Variants in INCENP observed in about 807,000 individuals in gnomAD.
INCENP encodes binds and activates aurora-B and -C in vivo and in vitro.
INCENP carries 43 observed loss-of-function variants against 107.3 expected under a neutral mutation model. That is an observed-to-expected ratio of 0.40 (90% CI 0.31 to 0.52). The LOEUF is 0.52. Ranked by LOEUF, INCENP falls within the 20% of genes least tolerant of loss-of-function variation. The probability of loss-of-function intolerance (pLI) is 0.53; values close to 1 mark genes in which losing one functional copy is unlikely to be tolerated. For synonymous variants in INCENP, 488 were observed against 494.4 expected (o/e 0.99, Z 0.17); for missense variants, 1,089 against 1,250.9 (o/e 0.87, Z 1.95).
chr11:62,149,939 T>C, intron 17 of INCENP, 118 bp from the exon 18 acceptor site: 1 of 1,008,524 alleles, frequency 9.9e-7, no homozygotes, highest in Non-Finnish European at 1.5e-6. Flanking sequence ...GAAAAAGTGA[T>C]CCTGCACCTT....
At chr11:62,145,579 C>G in intron 13 of INCENP, 50 bp from the exon 14 acceptor site, 1 of 1,559,636 alleles carries the variant, frequency 6.4e-7, no homozygotes, top group Non-Finnish European at 8.7e-7. Context: ...CTCCACTCTG[C>G]AGGATTGAAT....
intron 14 of INCENP, 151 bp downstream of exon 14, chr11:62,145,902 A>C: frequency 1.0e-6 from 1 of 982,578 alleles, no homozygotes; most frequent in Non-Finnish European, 1.5e-6. Context: ...AGAAGTCTCC[A>C]GGGCGGGGAT....
chr11:62,130,206 A>T lies in INCENP; in HGVS notation c.679A>T (p.Ile227Leu), dbSNP rs761018661. ...AACACCTAAGAAGTCGAAGGCCAGG[A>T]TACTGGAGTCCATCACAGTGAGCTC... ...ESTPKKSKAR[I>L]LESITVSSLM... The change falls in exon 4 of 19, where the codon ATA (isoleucine) becomes TTA (leucine). Residue 227 changes from isoleucine to leucine, a missense_variant. Ile to Leu is a conservative substitution (Grantham distance 5). Coordinates refer to ENST00000394818, the MANE Select transcript of INCENP (RefSeq NM_001040694.2). 3 of 1,613,966 alleles carry T rather than the reference A, an allele frequency of 1.9e-6. No homozygotes were observed. The highest frequency in any genetic ancestry group is 2.5e-6 in the Non-Finnish European group (3 of 1,180,020).
chr11:62,140,087 C>A, intron 7 of INCENP, 147 bp from the exon 8 acceptor site: 1 of 674,588 alleles, frequency 1.5e-6, no homozygotes. Flanking sequence ...GCTGATATGT[C>A]TGCGTTTGGC....
At chr11:62,135,421 C>T (rs906400450) in intron 4 of INCENP, among the ~76,000 whole-genome samples, 6 of 151,944 alleles carry the variant, frequency 3.9e-5, no homozygotes, top group Admixed American at 2.6e-4. Context: ...TGCCCACCGA[C>T]GCCCGGATAA....
intron 4 of INCENP, 110 bp downstream of exon 4, chr11:62,130,700 G>C: frequency 2.1e-6 from 2 of 953,396 alleles, no homozygotes; most frequent in South Asian, 3.3e-5. Flanking sequence ...TCTGCAGTGA[G>C]GTAGATGTTA....
At chr11:62,138,864 C>T in intron 6 of INCENP, 24 bp from the exon 7 acceptor site, 1 of 1,607,496 alleles carries the variant, frequency 6.2e-7, no homozygotes, top group Non-Finnish European at 8.5e-7. Context: ...GTCAAGACCC[C>T]TAAAGCCTTG....
chr11:62,137,864 G>A lies in INCENP; in HGVS notation c.1096G>A (p.Glu366Lys). 1 of 1,614,146 alleles carries A rather than the reference G, an allele frequency of 6.2e-7. No homozygotes were observed. The highest frequency in any genetic ancestry group is 1.1e-5 in the South Asian group (1 of 91,080). Reference sequence around the variant, plus strand: ...TTACCTGGAGAGGCTCCTGAATGTTGAGGTGCCCCAGAAAGTTGGGTGAGT... The same window carrying A: ...TTACCTGGAGAGGCTCCTGAATGTTAAGGTGCCCCAGAAAGTTGGGTGAGT... ...HSYLERLLNV[E>K]VPQKVGSEQK... Residue 366 changes from glutamate to lysine, a missense_variant, in exon 5 of 19, where the codon GAG becomes AAG. Physicochemically the swap from Glu to Lys is moderately conservative, Grantham distance 56 (BLOSUM62 1). Coordinates refer to ENST00000394818, the MANE Select transcript of INCENP (RefSeq NM_001040694.2).
rs1944341483 is a variant in INCENP at position 62,150,097 on chromosome 11, A to C, written c.2432A>C (p.His811Pro). ...CTSYQMTPQG[H>P]RAPPKINPDN... ...TCATATCAGATGACTCCGCAAGGGC[A>C]CAGGGCCCCTCCCAAGATCAACCCA... is the stretch of plus-strand genomic sequence containing the variant. The change falls in exon 18 of 19, where the codon CAC becomes CCC. Residue 811 changes from histidine to proline, a missense_variant. His to Pro is a moderately conservative substitution (Grantham distance 77). Transcript: ENST00000394818. 1 of 1,614,042 alleles carries C rather than the reference A, an allele frequency of 6.2e-7. No homozygotes were observed.
chr11:62,144,904 G>A, intron 11 of INCENP, 78 bp from the exon 12 acceptor site: 1 of 1,300,124 alleles, frequency 7.7e-7, no homozygotes, highest in Non-Finnish European at 1.1e-6. Flanking sequence ...GGCTGCTGGG[G>A]ACTGTGGGCA....
Position 62,146,869 on chromosome 11 carries a change from G to C in INCENP, c.2171G>C (p.Arg724Pro). Residue 724 changes from arginine to proline, a missense_variant, in exon 15 of 19, where the codon CGT (arginine) becomes CCT (proline). Arg to Pro is a moderately radical substitution (Grantham distance 103). Coordinates refer to ENST00000394818, the MANE Select transcript of INCENP (RefSeq NM_001040694.2). ...GAGCGACAGCTGGCAGAGCAGGAGC[G>C]TCGGCGGGAGCAGGAGCGGCTCCAG... The part of the protein sequence containing the change: ...EQERQLAEQE[R>P]RREQERLQAE... 1.3e-6 allele frequency: 2 copies of C among 1,592,192 alleles called. No homozygotes were observed. Among genetic ancestry groups the C allele is most frequent in the South Asian group, 2.2e-5 (2 of 88,958 alleles).
chr11:62,130,199 G>C lies in INCENP; in HGVS notation c.672G>C (p.Lys224Asn). 6.2e-7 allele frequency: 1 copy of C among 1,613,964 alleles called. No homozygotes were observed. The highest frequency in any genetic ancestry group is 1.1e-5 in the South Asian group (1 of 91,082). Residue 224 changes from lysine to asparagine, a missense_variant, in exon 4 of 19, where the codon AAG (lysine) becomes AAC (asparagine). Coordinates refer to ENST00000394818, the MANE Select transcript of INCENP (RefSeq NM_001040694.2). ...AGGAATCAACACCTAAGAAGTCGAA[G>C]GCCAGGATACTGGAGTCCATCACAG... ...SDEESTPKKS[K>N]ARILESITVS...
chr11:62,124,086 T>C lies in INCENP; in HGVS notation c.-89T>C, dbSNP rs1336178428. ...TCCCGAAGGCCCGGAGCCAAGTGGG[T>C]CTGGGCAAGCGGGGCCTTACCTAGG... On this transcript the variant is annotated 5_prime_UTR_variant, in exon 1 of 19. Coordinates refer to ENST00000394818, the MANE Select transcript of INCENP (RefSeq NM_001040694.2). The C allele has an allele frequency of 1.3e-5, 2 of 152,234 alleles. No individual in the cohort carries two copies. Among genetic ancestry groups the C allele is most frequent in the African/African-American group, 4.8e-5 (2 of 41,448 alleles). 9.4% of individuals were successfully genotyped at this position (152,234 alleles called of 1,614,324 possible). A position where few individuals can be genotyped will look rare whatever the true frequency, so the allele number is the denominator to read the frequency against.
At chr11:62,148,682 G>C (rs1372699064) in intron 16 of INCENP, 57 bp from the exon 17 acceptor site, 6 of 1,444,222 alleles carry the variant, frequency 4.2e-6, no homozygotes, top group Non-Finnish European at 5.7e-6. Flanking sequence ...GGGAAGGGGA[G>C]GGGAGGGAAG....
chr11:62,132,036 G>A (rs1333804702), intron 4 of INCENP, among the ~76,000 whole-genome samples: 3 of 152,160 alleles, frequency 2.0e-5, no homozygotes, highest in East Asian at 1.9e-4. Flanking sequence ...TGATTCACCC[G>A]CCTTAGCCTC....
At chr11:62,144,192 T>C (rs1013948631) in intron 11 of INCENP, among the ~76,000 whole-genome samples, 36 of 152,108 alleles carry the variant, frequency 2.4e-4, no homozygotes, top group African/African-American at 8.2e-4. Flanking sequence ...ATTAGCTGGG[T>C]GTGGTGGCAC....
intron 11 of INCENP, among the ~76,000 whole-genome samples, chr11:62,142,070 C>G (rs1355977660): frequency 6.6e-6 from 1 of 152,226 alleles, no homozygotes; most frequent in African/African-American, 2.4e-5. Flanking sequence ...TCAGACACCT[C>G]AGAGCTGAGC....
chr11:62,144,148 A>G (rs1031732625), intron 11 of INCENP, among the ~76,000 whole-genome samples: 3 of 152,220 alleles, frequency 2.0e-5, no homozygotes, highest in African/African-American at 7.2e-5. Flanking sequence ...CCTGGCCAAC[A>G]TAGTGAAACC....
At chr11:62,150,634 A>G (rs1792893) in intron 18 of INCENP, among the ~76,000 whole-genome samples, 3,317 of 152,324 alleles carry the variant, frequency 0.022, 127 homozygotes, top group African/African-American at 0.075. Context: ...TGGGGCTTCC[A>G]GCCAGCTCGG....
Sources: gnomAD v4.1 joint callset for allele counts (sites outside exome capture counted in the v4.1 genomes callset) on GRCh38, gnomAD v4.1.1 for gene constraint, MANE v1.5 for transcripts, NCBI Gene and HGNC (gene_info 2026-07-23, HGNC 2026-07-21) for gene names.